Variants in ROBO1 observed in about 807,000 individuals in gnomAD.
ROBO1 encodes the protein roundabout guidance receptor 1.
ROBO1 carries 149 observed loss-of-function variants against 195.9 expected under a neutral mutation model. The ratio of observed to expected loss-of-function variants is 0.76; its 90% CI spans 0.67 to 0.87. The LOEUF is 0.87. Ranked by LOEUF, ROBO1 falls within the 40% of genes least tolerant of loss-of-function variation. ROBO1 has a pLI of 0.00. For missense variants in ROBO1, 1,933 were observed against 2,068.3 expected, an observed-to-expected ratio of 0.93 and a Z score of 1.27; for synonymous variants, 816 against 733.2, an observed-to-expected ratio of 1.11 and a Z score of -1.82.
chr3:79,012,849 C>T (rs2077819598), intron 3 of ROBO1, among the ~76,000 whole-genome samples: 1 of 152,112 alleles, frequency 6.6e-6, no homozygotes, highest in South Asian at 2.1e-4. Context: ...CACTACAGAT[C>T]ATCTTTTTTT....
chr3:79,178,530 CCA>C (rs1343753723), intron 2 of ROBO1, among the ~76,000 whole-genome samples: 1 of 152,002 alleles, frequency 6.6e-6, no homozygotes, highest in Admixed American at 6.6e-5. Context: ...GAAAAGAAAC[CCA>C]CAGTGTCACA....
chr3:79,075,504 G>A (rs1014898075), intron 3 of ROBO1, among the ~76,000 whole-genome samples: 4 of 151,876 alleles, frequency 2.6e-5, no homozygotes, highest in Non-Finnish European at 4.4e-5. Flanking sequence ...GAGGTTTTCT[G>A]GGGTCACACA....
chr3:79,059,601 C>T lies in ROBO1; in HGVS notation c.172+65855G>A, dbSNP rs531310364. On this transcript the variant is annotated intron_variant, in intron 3 of 30. Transcript: ENST00000464233. ...AAATTGTGAAGATTTCATGGACATT[C>T]ATTAGTTCCCCCAAATTAATACTTT... 1.8e-4 allele frequency among the ~76,000 whole-genome samples: 27 copies of T among 152,130 alleles called. No homozygotes were observed. In the South Asian group the frequency reaches 5.6e-3, roughly 32 times the overall value.
chr3:79,186,758 A>G (rs988577753), intron 2 of ROBO1, among the ~76,000 whole-genome samples: 6 of 152,048 alleles, frequency 3.9e-5, no homozygotes, highest in African/African-American at 1.2e-4. Flanking sequence ...ACATTTTGAG[A>G]TGAGATCTCT....
chr3:79,524,899 ATG>A (rs921151707), intron 2 of ROBO1, among the ~76,000 whole-genome samples: 1 of 151,876 alleles, frequency 6.6e-6, no homozygotes, highest in African/African-American at 2.4e-5. Context: ...TGAAAATTAT[ATG>A]TGTGTGTGTG....
intron 3 of ROBO1, among the ~76,000 whole-genome samples, chr3:79,100,905 T>G (rs2108510010): frequency 6.6e-6 from 1 of 151,976 alleles, no homozygotes; most frequent in South Asian, 2.1e-4. Context: ...GAGAGATTTC[T>G]TCCAGGATAA....
intron 2 of ROBO1, among the ~76,000 whole-genome samples, chr3:79,154,400 A>G (rs1373947790): frequency 1.3e-5 from 2 of 151,752 alleles, no homozygotes; most frequent in Non-Finnish European, 2.9e-5. Context: ...GATTGACCAC[A>G]GTTATACATC....
At chr3:78,751,073 G>A (rs1008411758) in intron 4 of ROBO1, among the ~76,000 whole-genome samples, 7 of 152,030 alleles carry the variant, frequency 4.6e-5, no homozygotes, top group African/African-American at 7.2e-5. Flanking sequence ...GCATCACTGC[G>A]CTACAGTCTC....
chr3:79,721,708 G>C (rs770604242), intron 1 of ROBO1, among the ~76,000 whole-genome samples: 1 of 152,166 alleles, frequency 6.6e-6, no homozygotes. Flanking sequence ...CATTACTGTT[G>C]ACCCTAATTA....
intron 26 of ROBO1, among the ~76,000 whole-genome samples, chr3:78,623,200 T>C (rs963295955): frequency 1.3e-5 from 2 of 152,150 alleles, no homozygotes; most frequent in African/African-American, 2.4e-5. Context: ...AGAGGATATA[T>C]AGAGTGTTGC....
At chr3:78,984,228 T>C (rs1368380380) in intron 3 of ROBO1, among the ~76,000 whole-genome samples, 2 of 152,098 alleles carry the variant, frequency 1.3e-5, no homozygotes, top group African/African-American at 4.8e-5. Context: ...CATGATAATT[T>C]TATATATCCA....
At chr3:79,487,163 T>A (rs1290575980) in intron 2 of ROBO1, among the ~76,000 whole-genome samples, 5 of 2,492 alleles carry the variant, frequency 2.0e-3, no homozygotes, top group Middle Eastern at 0.12. Context: ...GCCTATGTAA[T>A]ATACATAAAA....
At chr3:79,245,218 T>C (rs908107409) in intron 2 of ROBO1, among the ~76,000 whole-genome samples, 1 of 152,246 alleles carries the variant, frequency 6.6e-6, no homozygotes, top group East Asian at 1.9e-4. Flanking sequence ...CTGGACAGAA[T>C]AAGATTTTTC....
chr3:78,790,589 A>G (rs975333625), intron 4 of ROBO1, among the ~76,000 whole-genome samples: 2 of 152,182 alleles, frequency 1.3e-5, no homozygotes, highest in African/African-American at 4.8e-5. Context: ...TTTTTGTACC[A>G]TTAACCATCT....
At chr3:79,652,627 A>T (rs1054122737) in intron 1 of ROBO1, among the ~76,000 whole-genome samples, 2 of 152,084 alleles carry the variant, frequency 1.3e-5, no homozygotes, top group Non-Finnish European at 2.9e-5. Context: ...CATATTTTCT[A>T]TGCAACAAAT....
chr3:78,689,525 GAA>G (rs773554272), intron 8 of ROBO1, among the ~76,000 whole-genome samples: 4 of 142,356 alleles, frequency 2.8e-5, no homozygotes, highest in African/African-American at 7.7e-5. Flanking sequence ...TCACTTCTGG[GAA>G]AAAAAAAAAA....
chr3:79,681,606 T>C (rs1200403578), intron 1 of ROBO1, among the ~76,000 whole-genome samples: 3 of 151,916 alleles, frequency 2.0e-5, no homozygotes, highest in Non-Finnish European at 4.4e-5. Flanking sequence ...TCAAATTTGT[T>C]CTGATGATCT....
At chr3:79,197,342 T>A (rs1330338866) in intron 2 of ROBO1, among the ~76,000 whole-genome samples, 1 of 151,992 alleles carries the variant, frequency 6.6e-6, no homozygotes, top group Non-Finnish European at 1.5e-5. Context: ...TCCAGCTTCA[T>A]CCATGTCCCT....
At chr3:79,055,534 G>A (rs1276582008) in intron 3 of ROBO1, among the ~76,000 whole-genome samples, 2 of 152,030 alleles carry the variant, frequency 1.3e-5, no homozygotes, top group Non-Finnish European at 2.9e-5. Context: ...GACTTGCACT[G>A]GCCCTGATGG....
Sources: allele counts gnomAD v4.1 joint callset (sites outside exome capture counted in the v4.1 genomes callset), GRCh38; gene constraint gnomAD v4.1.1; transcripts MANE v1.5; gene names NCBI Gene and HGNC (gene_info 2026-07-23, HGNC 2026-07-21).